Variants in ZZZ3 observed in about 807,000 individuals in gnomAD.
The protein encoded by ZZZ3 is zinc finger ZZ-type containing 3.
In ZZZ3, 22 loss-of-function variants were observed where a neutral mutation model predicts 95.2. That is an observed-to-expected ratio of 0.23 (90% CI 0.17 to 0.33). The LOEUF is 0.33. Among genes scored for constraint, ZZZ3 ranks in the 10% least tolerant of loss-of-function variants. The pLI is 1.00. For synonymous variants in ZZZ3, 335 were observed against 358.9 expected (o/e 0.93, Z 0.75); for missense variants, 885 against 1,066.5 (o/e 0.83, Z 2.37).
At chr1:77,637,021 A>G (rs1352728447) in intron 4 of ZZZ3, among the ~76,000 whole-genome samples, 1 of 152,184 alleles carries the variant, frequency 6.6e-6, no homozygotes, top group Non-Finnish European at 1.5e-5. Flanking sequence ...AATCACGGGC[A>G]TCTCCTGGAA....
intron 5 of ZZZ3, among the ~76,000 whole-genome samples, chr1:77,608,718 A>G (rs1484480105): frequency 6.6e-6 from 1 of 152,216 alleles, no homozygotes; most frequent in East Asian, 1.9e-4. Flanking sequence ...AAGATATGAA[A>G]CAATAAAAAG....
At chr1:77,655,484 T>C (rs774259037) in intron 1 of ZZZ3, among the ~76,000 whole-genome samples, 5 of 152,230 alleles carry the variant, frequency 3.3e-5, no homozygotes, top group Non-Finnish European at 4.4e-5. Flanking sequence ...AACCAGGAAC[T>C]GGGCCGTTGC....
intron 1 of ZZZ3, among the ~76,000 whole-genome samples, chr1:77,678,871 T>C (rs1244352822): frequency 1.3e-5 from 2 of 152,218 alleles, no homozygotes; most frequent in Non-Finnish European, 1.5e-5. Flanking sequence ...CTGAGGTCAT[T>C]AGCAATAAAT....
intron 5 of ZZZ3, among the ~76,000 whole-genome samples, chr1:77,617,770 T>C (rs1319114460): frequency 1.4e-5 from 2 of 142,354 alleles, no homozygotes; most frequent in Non-Finnish European, 3.0e-5. Context: ...AAACCCTGCC[T>C]CTACTGAAAA....
In ZZZ3 at chr1:77,564,748, CAA is replaced by C. The variant is rs1660679342; in HGVS notation, c.*890_*891del. 1 of 152,470 alleles carries C rather than the reference CAA, an allele frequency of 6.6e-6. No individual in the cohort carries two copies. Among genetic ancestry groups the C allele is most frequent in the Non-Finnish European group, 1.5e-5 (1 of 67,996 alleles). 9.4% of individuals were successfully genotyped at this position (152,470 alleles called of 1,614,324 possible). ...TCTTTTATGGATCTTGTGCAGACTA[CAA>C]AAGAGGGAAATTATTACCATATATA... is the stretch of plus-strand genomic sequence containing the variant. On this transcript the variant is annotated 3_prime_UTR_variant, in exon 15 of 15. Transcript: ENST00000370801.
intron 7 of ZZZ3, 35 bp from the exon 8 acceptor site, chr1:77,581,926 C>CAAAA: frequency 6.2e-7 from 1 of 1,604,762 alleles, no homozygotes; most frequent in Non-Finnish European, 8.5e-7. Context: ...ACTGTTAAAG[C>CAAAA]AAAACATTGC....
chr1:77,568,507 T>C, intron 12 of ZZZ3, 41 bp from the exon 13 acceptor site: 2 of 1,035,308 alleles, frequency 1.9e-6, no homozygotes, highest in Non-Finnish European at 2.8e-6. Flanking sequence ...GGTTTGGTAA[T>C]TAAAATGAAT....
intron 11 of ZZZ3, among the ~76,000 whole-genome samples, chr1:77,576,898 T>C (rs1662016772): frequency 6.6e-6 from 1 of 152,240 alleles, no homozygotes; most frequent in Non-Finnish European, 1.5e-5. Context: ...GCTTGCTCTA[T>C]GCCAATGTCA....
intron 1 of ZZZ3, among the ~76,000 whole-genome samples, chr1:77,659,168 A>C (rs1186033531): frequency 6.6e-6 from 1 of 152,172 alleles, no homozygotes; most frequent in Admixed American, 6.5e-5. Flanking sequence ...CGGTGAGCCG[A>C]GATCATGCAT....
At chr1:77,599,361 A>C (rs1362259373) in intron 5 of ZZZ3, among the ~76,000 whole-genome samples, 5 of 152,042 alleles carry the variant, frequency 3.3e-5, no homozygotes, top group Admixed American at 3.3e-4. Context: ...TTGAATATAC[A>C]TTAGTTATGA....
intron 5 of ZZZ3, among the ~76,000 whole-genome samples, chr1:77,629,138 A>T (rs6674638): frequency 0.63 from 95,830 of 151,802 alleles, 31,741 homozygotes; most frequent in Non-Finnish European, 0.74. Flanking sequence ...TATCCAACCA[A>T]CTCTTGGCTC....
intron 1 of ZZZ3, among the ~76,000 whole-genome samples, chr1:77,643,087 G>C (rs539885772): frequency 3.9e-5 from 6 of 151,930 alleles, no homozygotes; most frequent in Non-Finnish European, 8.8e-5. Context: ...GGTGGTGTGC[G>C]CCTGTAATCC....
At chr1:77,584,729 T>C in intron 5 of ZZZ3, 74 bp from the exon 6 acceptor site, 2 of 1,245,918 alleles carry the variant, frequency 1.6e-6, no homozygotes, top group Admixed American at 2.6e-5. Context: ...GTTCAAGCCA[T>C]GATCTACTAT....
At chr1:77,601,511 T>A (rs1018062095) in intron 5 of ZZZ3, among the ~76,000 whole-genome samples, 18 of 152,052 alleles carry the variant, frequency 1.2e-4, no homozygotes. Flanking sequence ...AAGAAAAAAT[T>A]GTATCATGTT....
chr1:77,679,844 T>C (rs1285590010), intron 1 of ZZZ3, among the ~76,000 whole-genome samples: 1 of 152,246 alleles, frequency 6.6e-6, no homozygotes, highest in African/African-American at 2.4e-5. Context: ...CTTGGATTTT[T>C]CTCAGTATAT....
At position 77,633,114 on chromosome 1, in the gene ZZZ3, C is replaced by T; in HGVS notation, c.241G>A (p.Val81Ile). The change falls in exon 5 of 15, where the codon GTA becomes ATA. Residue 81 changes from valine (V) to isoleucine (I), a missense_variant. Physicochemically the swap from Val to Ile is conservative, Grantham distance 29. This residue lies in a region of ZZZ3 where 556 missense variants were observed against 652.9 expected (regional missense o/e 0.85). Coordinates refer to ENST00000370801, the MANE Select transcript of ZZZ3 (RefSeq NM_015534.6). ...GAAAGTCCTCTTTTCCTAGGGCTTA[C>T]CCATGATTCTCGGGTACTCTGCTGT... ...LKQQSTRESWVSPRKRGLSSS... is the reference protein window; with the variant it reads ...LKQQSTRESWISPRKRGLSSS... The T allele has an allele frequency of 1.2e-6, 2 of 1,613,936 alleles. No homozygotes were observed. The highest frequency in any genetic ancestry group is 2.2e-5 in the South Asian group (2 of 91,078).
chr1:77,639,686 A>G, intron 3 of ZZZ3, 84 bp from the exon 4 acceptor site: 1 of 369,830 alleles, frequency 2.7e-6, no homozygotes. Context: ...TAATAAGAAG[A>G]AATACAGGTA....
Position 77,632,448 on chromosome 1 carries a change from G to A in ZZZ3, c.907C>T (p.Pro303Ser), listed in dbSNP as rs1667894548. The A allele has an allele frequency of 6.2e-7, 1 of 1,614,088 alleles. No individual in the cohort carries two copies. The highest frequency in any genetic ancestry group is 1.1e-5 in the South Asian group (1 of 91,074). ...AAAGATGACTGAGTTTCAGAAAAGG[G>A]CCCTGTAGCTGGCTCAGTAGTCAGC... is the stretch of plus-strand genomic sequence containing the variant. Reference protein sequence around the residue: ...NQLTTEPATGPFSETQSSLRD... With the variant: ...NQLTTEPATGSFSETQSSLRD... Residue 303 changes from proline (P) to serine (S), a missense_variant, in exon 5 of 15, where the codon CCC (proline) becomes TCC (serine). Physicochemically the swap from Pro to Ser is moderately conservative, Grantham distance 74. Coordinates refer to ENST00000370801, the MANE Select transcript of ZZZ3 (RefSeq NM_015534.6).
intron 5 of ZZZ3, among the ~76,000 whole-genome samples, chr1:77,597,805 C>T (rs546865916): frequency 2.0e-5 from 3 of 152,064 alleles, no homozygotes; most frequent in African/African-American, 7.2e-5. Flanking sequence ...ATGTGGTATC[C>T]TACATGGGAT....
Sources: gnomAD v4.1 joint callset for allele counts (sites outside exome capture counted in the v4.1 genomes callset) on GRCh38, gnomAD v4.1.1 for gene constraint, gnomAD v4.1.1 regional missense constraint, MANE v1.5 for transcripts, NCBI Gene and HGNC (gene_info 2026-07-23, HGNC 2026-07-21) for gene names.